NMUR2: variants seen among roughly 807,000 people sequenced by gnomAD.
NMUR2 encodes the protein neuromedin-U receptor 2.
In NMUR2, 24 loss-of-function variants were observed where a neutral mutation model predicts 25.1. That is an observed-to-expected ratio of 0.96 (90% CI 0.69 to 1.34). The LOEUF (loss-of-function observed/expected upper bound fraction) is 1.34, where lower values mean the gene tolerates loss of function less well. Among genes scored for constraint, NMUR2 ranks in the 40% most tolerant of loss-of-function variants. The probability of loss-of-function intolerance (pLI) is 0.00; values close to 1 mark genes in which losing one functional copy is unlikely to be tolerated. For synonymous variants in NMUR2, 218 were observed against 208.1 expected (o/e 1.05, Z -0.41); for missense variants, 533 against 512.8 (o/e 1.04, Z -0.38).
At position 152,392,196 on chromosome 5, in the gene NMUR2, T is replaced by C; in HGVS notation, c.1243A>G (p.Thr415Ala). The change falls in exon 4 of 4, where the codon ACC (threonine) becomes GCC (alanine). Residue 415 changes from threonine to alanine, a missense_variant. By Grantham distance (58) the Thr-to-Ala change is moderately conservative. Coordinates refer to ENST00000255262, the MANE Select transcript of NMUR2 (RefSeq NM_020167.5). ...AGAGTCAGCTCTGAAAGAATTCAGG[T>C]TTTGTTAAAGTGGAAGCTTTGATAG... The part of the protein sequence containing the change: ...TNYQSFHFNK[T>A] 1 of 1,608,782 alleles carries C rather than the reference T, an allele frequency of 6.2e-7. No individual in the cohort carries two copies. The highest frequency in any genetic ancestry group is 8.5e-7 in the Non-Finnish European group (1 of 1,176,460).
At chr5:152,397,164 A>T (rs567995409) in intron 2 of NMUR2, among the ~76,000 whole-genome samples, 1 of 152,016 alleles carries the variant, frequency 6.6e-6, no homozygotes, top group African/African-American at 2.4e-5. Flanking sequence ...GAGAAGACCC[A>T]CTTCAGGGAC....
rs769998163 is a variant in NMUR2 at position 152,397,012 on chromosome 5, G to GTTTTTTT, written c.811+1041_811+1047dup. Among the ~76,000 whole-genome samples, 43 of 105,716 alleles carry GTTTTTTT rather than the reference G, an allele frequency of 4.1e-4. 4 individuals are homozygous for GTTTTTTT. Among genetic ancestry groups the GTTTTTTT allele is most frequent in the South Asian group, 1.1e-3 (3 of 2,764 alleles). 69.4% of individuals were successfully genotyped at this position (105,716 alleles called of 152,430 possible). ...TGACTTTAATATGAGTGAGCTTCAT[G>GTTTTTTT]TTTTTTTTTTTTTTTTTTTGTGAGA... On this transcript the variant is annotated intron_variant, in intron 2 of 3. Transcript: ENST00000255262.
At chr5:152,404,128 A>C (rs1414689709) in intron 1 of NMUR2, among the ~76,000 whole-genome samples, 1 of 152,184 alleles carries the variant, frequency 6.6e-6, no homozygotes, top group Non-Finnish European at 1.5e-5. Flanking sequence ...GATTCTTAGG[A>C]ACATTTAGAT....
At position 152,392,125 on chromosome 5, in the gene NMUR2, G is replaced by A; in HGVS notation, c.*66C>T. ...TACCTCTCTAATATCATATGAGAAGGCATACATTATGGGATGTTCCTCTCT... is the reference window on the plus strand; with the variant it reads ...TACCTCTCTAATATCATATGAGAAGACATACATTATGGGATGTTCCTCTCT... On this transcript the variant is annotated 3_prime_UTR_variant, in exon 4 of 4. Coordinates refer to ENST00000255262, the MANE Select transcript of NMUR2 (RefSeq NM_020167.5). 7.8e-7 allele frequency: 1 copy of A among 1,281,206 alleles called. No individual in the cohort carries two copies. Among genetic ancestry groups the A allele is most frequent in the South Asian group, 1.4e-5 (1 of 72,946 alleles). The allele number at this position is 1,281,206 out of a possible 1,614,324, so 79.4% of individuals were successfully genotyped here.
rs769998163 is a variant in NMUR2, at chr5:152,397,012, G to GTTTTTTTTTTTTTTTTTTTTTTTTTTTTT, written c.811+1047_811+1048insAAAAAAAAAAAAAAAAAAAAAAAAAAAAA. ...TGACTTTAATATGAGTGAGCTTCATGTTTTTTTTTTTTTTTTTTTGTGAGA... is the reference window on the plus strand; with the variant it reads ...TGACTTTAATATGAGTGAGCTTCATGTTTTTTTTTTTTTTTTTTTTTTTTTTTTTTTTTTTTTTTTTTTTTTTTGTGAGA... On this transcript the variant is annotated intron_variant, in intron 2 of 3. Coordinates refer to ENST00000255262, the MANE Select transcript of NMUR2 (RefSeq NM_020167.5). Among the ~76,000 whole-genome samples the GTTTTTTTTTTTTTTTTTTTTTTTTTTTTT allele has an allele frequency of 9.5e-4, 100 of 105,726 alleles. 9 individuals are homozygous for GTTTTTTTTTTTTTTTTTTTTTTTTTTTTT. The highest frequency in any genetic ancestry group is 1.6e-3 in the Non-Finnish European group (79 of 48,800). 69.4% of individuals were successfully genotyped at this position (105,726 alleles called of 152,430 possible).
At chr5:152,402,322 A>G (rs1298138362) in intron 1 of NMUR2, among the ~76,000 whole-genome samples, 3 of 152,184 alleles carry the variant, frequency 2.0e-5, no homozygotes, top group Non-Finnish European at 4.4e-5. Context: ...GCGATCAGTG[A>G]CACAGAATAG....
chr5:152,392,022 C>G lies in NMUR2; in HGVS notation c.*169G>C. The G allele has an allele frequency of 1.7e-6, 1 of 590,306 alleles. No individual in the cohort carries two copies. Among genetic ancestry groups the G allele is most frequent in the South Asian group, 2.4e-5 (1 of 41,960 alleles). The allele number at this position is 590,306 out of a possible 1,614,324, so 36.6% of individuals were successfully genotyped here. Reference sequence around the variant, plus strand: ...AATCAGGCAGTCTTGGGTTTTGAAACCAGATCTAACTCTCAGTTTTCACGT... The same window carrying G: ...AATCAGGCAGTCTTGGGTTTTGAAAGCAGATCTAACTCTCAGTTTTCACGT... On this transcript the variant is annotated 3_prime_UTR_variant, in exon 4 of 4. Coordinates refer to ENST00000255262, the MANE Select transcript of NMUR2 (RefSeq NM_020167.5).
intron 2 of NMUR2, among the ~76,000 whole-genome samples, chr5:152,395,899 A>T (rs1422914453): frequency 6.6e-6 from 1 of 152,108 alleles, no homozygotes; most frequent in Non-Finnish European, 1.5e-5. Context: ...ATTGTGAAAG[A>T]TAAATAATAA....
chr5:152,393,984 G>A (rs1332581201), intron 3 of NMUR2, among the ~76,000 whole-genome samples: 1 of 151,976 alleles, frequency 6.6e-6, no homozygotes, highest in Admixed American at 6.6e-5. Flanking sequence ...TAAAAGGCAA[G>A]TTGGGGGTAT....
intron 3 of NMUR2, 73 bp downstream of exon 3, chr5:152,395,386 A>G (rs2113095195): frequency 7.7e-6 from 12 of 1,567,702 alleles, no homozygotes; most frequent in South Asian, 1.1e-5. Flanking sequence ...GTACTTAGGC[A>G]TCTAAGCAAG....
chr5:152,404,952 T>TGGCACATACACCACAGACACG lies in NMUR2; in HGVS notation c.141_161dup (p.Val48_Pro54dup), dbSNP rs1753330595. ...TGCCAATGACCCCCACCACAAAAAT[T>TGGCACATACACCACAGACACG]GGCACATACACCACAGACACGGGGA... On this transcript the variant is annotated inframe_insertion, in exon 1 of 4. Coordinates refer to ENST00000255262, the MANE Select transcript of NMUR2 (RefSeq NM_020167.5). 2.5e-6 allele frequency: 4 copies of TGGCACATACACCACAGACACG among 1,613,630 alleles called. No homozygotes were observed. Among genetic ancestry groups the TGGCACATACACCACAGACACG allele is most frequent in the Non-Finnish European group, 3.4e-6 (4 of 1,179,934 alleles).
chr5:152,404,423 C>A lies in NMUR2; in HGVS notation c.691G>T (p.Val231Phe), dbSNP rs1366635961. 1 of 1,613,894 alleles carries A rather than the reference C, an allele frequency of 6.2e-7. No homozygotes were observed. Among genetic ancestry groups the A allele is most frequent in the South Asian group, 1.1e-5 (1 of 91,014 alleles). Residue 231 changes from valine (V) to phenylalanine (F), a missense_variant, in exon 1 of 4, where the codon GTC becomes TTC. Physicochemically the swap from Val to Phe is conservative, Grantham distance 50. Transcript: ENST00000255262. Reference sequence around the variant, plus strand: ...ATGAGGTAGTAGAGGACACTGATGACAGTCATGGGGAGGAGGTAGAATAGG... The same window carrying A: ...ATGAGGTAGTAGAGGACACTGATGAAAGTCATGGGGAGGAGGTAGAATAGG... ...SFLFYLLPMT[V>F]ISVLYYLMAL...
At chr5:152,399,773 G>T (rs1266510834) in intron 1 of NMUR2, among the ~76,000 whole-genome samples, 1 of 152,154 alleles carries the variant, frequency 6.6e-6, no homozygotes, top group Non-Finnish European at 1.5e-5. Context: ...CAGGGTTGGA[G>T]TCTCTCATTG....
intron 2 of NMUR2, among the ~76,000 whole-genome samples, chr5:152,397,757 A>C (rs990698708): frequency 1.3e-5 from 2 of 152,214 alleles, no homozygotes; most frequent in Non-Finnish European, 2.9e-5. Context: ...CACAGAGTGT[A>C]TGTCAGTGGA....
chr5:152,400,938 C>T (rs189085018), intron 1 of NMUR2, among the ~76,000 whole-genome samples: 23 of 152,250 alleles, frequency 1.5e-4, no homozygotes, highest in Non-Finnish European at 1.5e-5. Context: ...AAAAGAAAAT[C>T]ATGTGCTGAT....
intron 1 of NMUR2, among the ~76,000 whole-genome samples, chr5:152,401,822 C>T (rs1193125760): frequency 1.3e-5 from 2 of 152,182 alleles, no homozygotes; most frequent in South Asian, 2.1e-4. Flanking sequence ...TATGGGTTTC[C>T]TCCTTCTTCT....
chr5:152,393,372 TA>T (rs1753095102), intron 3 of NMUR2, among the ~76,000 whole-genome samples: 1 of 152,178 alleles, frequency 6.6e-6, no homozygotes, highest in Admixed American at 6.6e-5. Context: ...TGATGGGTAA[TA>T]TTGCCAAAAG....
chr5:152,397,710 A>C (rs1561697472), intron 2 of NMUR2, among the ~76,000 whole-genome samples: 1 of 152,132 alleles, frequency 6.6e-6, no homozygotes, highest in East Asian at 1.9e-4. Context: ...AGTGAAGCTC[A>C]AAGGCTGAGA....
chr5:152,392,075 G>A lies in NMUR2; in HGVS notation c.*116C>T, dbSNP rs1293592166. 1.2e-6 allele frequency: 1 copy of A among 863,734 alleles called. No homozygotes were observed. The highest frequency in any genetic ancestry group is 1.7e-5 in the African/African-American group (1 of 59,028). 53.5% of individuals were successfully genotyped at this position (863,734 alleles called of 1,614,324 possible). A position where few individuals can be genotyped will look rare whatever the true frequency, so the allele number is the denominator to read the frequency against. The stretch of plus-strand genomic sequence containing the variant: ...ATTAAAAAAAAAAAAACTAGCAATG[G>A]GTACATGAGTTGTAAGAGCCATTCT... On this transcript the variant is annotated 3_prime_UTR_variant, in exon 4 of 4. Coordinates refer to ENST00000255262, the MANE Select transcript of NMUR2 (RefSeq NM_020167.5).
Sources: gnomAD v4.1 joint callset for allele counts (sites outside exome capture counted in the v4.1 genomes callset) on GRCh38, gnomAD v4.1.1 for gene constraint, MANE v1.5 for transcripts, NCBI Gene and HGNC (gene_info 2026-07-23, HGNC 2026-07-21) for gene names.